GTF2F2: variants seen among roughly 807,000 people sequenced by gnomAD.
GTF2F2 encodes the protein ATP-dependent helicase GTF2F2.
GTF2F2 carries 23 observed loss-of-function variants against 42.2 expected under a neutral mutation model. The ratio of observed to expected loss-of-function variants is 0.55; its 90% CI spans 0.39 to 0.77. The LOEUF (loss-of-function observed/expected upper bound fraction) is 0.77. Among genes scored for constraint, GTF2F2 ranks in the 30% least tolerant of loss-of-function variants. The pLI is 0.00. For synonymous variants in GTF2F2, 105 were observed against 100.8 expected, an observed-to-expected ratio of 1.04 and a Z score of -0.25; for missense variants, 261 against 287.2, an observed-to-expected ratio of 0.91 and a Z score of 0.66.
intron 5 of GTF2F2, among the ~76,000 whole-genome samples, chr13:45,216,009 T>C (rs1873873044): frequency 6.6e-6 from 1 of 151,990 alleles, no homozygotes; most frequent in Admixed American, 6.6e-5. Flanking sequence ...CCCGGCACTT[T>C]GGGAGGCCGA....
intron 7 of GTF2F2, among the ~76,000 whole-genome samples, chr13:45,275,325 T>A (rs549746004): frequency 5.3e-4 from 81 of 152,118 alleles, no homozygotes; most frequent in African/African-American, 1.9e-3. Context: ...TATTATTATT[T>A]AAGTTCTAGG....
chr13:45,193,635 G>T (rs1593482753), intron 4 of GTF2F2: 1 of 658,578 alleles, frequency 1.5e-6, no homozygotes. Flanking sequence ...TTTAGCGATA[G>T]AATTTACATA....
intron 4 of GTF2F2, among the ~76,000 whole-genome samples, chr13:45,158,593 T>C (rs1405828158): frequency 6.6e-6 from 1 of 152,208 alleles, no homozygotes; most frequent in Admixed American, 6.5e-5. Flanking sequence ...CTTTTTCCTC[T>C]GTCAGGGATT....
At chr13:45,169,707 A>G (rs1871496037) in intron 4 of GTF2F2, among the ~76,000 whole-genome samples, 1 of 152,240 alleles carries the variant, frequency 6.6e-6, no homozygotes, top group Non-Finnish European at 1.5e-5. Context: ...TCACAAAGTG[A>G]ACACATCCCT....
At chr13:45,133,605 C>T (rs1297024572) in intron 1 of GTF2F2, among the ~76,000 whole-genome samples, 5 of 152,180 alleles carry the variant, frequency 3.3e-5, no homozygotes, top group African/African-American at 1.2e-4. Context: ...ACCATCTGAG[C>T]AGGCCACCTG....
intron 7 of GTF2F2, among the ~76,000 whole-genome samples, chr13:45,269,416 C>T (rs1247543256): frequency 6.6e-6 from 1 of 152,158 alleles, no homozygotes. Context: ...AGGTAGTTAC[C>T]TCCTCCTAGA....
intron 5 of GTF2F2, among the ~76,000 whole-genome samples, chr13:45,229,158 C>G (rs946919730): frequency 2.0e-5 from 3 of 152,212 alleles, no homozygotes; most frequent in African/African-American, 7.2e-5. Flanking sequence ...GCCGGGATTA[C>G]AGGAATGAGC....
At chr13:45,283,136 A>T (rs1428973534) in intron 7 of GTF2F2, among the ~76,000 whole-genome samples, 1 of 151,874 alleles carries the variant, frequency 6.6e-6, no homozygotes, top group African/African-American at 2.4e-5. Flanking sequence ...AGGACCAGTA[A>T]TTTTTTCGTG....
At chr13:45,202,514 C>T (rs576724685) in intron 4 of GTF2F2, among the ~76,000 whole-genome samples, 37 of 152,204 alleles carry the variant, frequency 2.4e-4, no homozygotes, top group Non-Finnish European at 4.3e-4. Context: ...TGACCTTTAA[C>T]ATATTCAACT....
At chr13:45,166,178 T>C (rs1871290455) in intron 4 of GTF2F2, among the ~76,000 whole-genome samples, 1 of 152,186 alleles carries the variant, frequency 6.6e-6, no homozygotes, top group Non-Finnish European at 1.5e-5. Flanking sequence ...GTCATTATGA[T>C]ACCTAAAAAA....
intron 4 of GTF2F2, among the ~76,000 whole-genome samples, chr13:45,200,087 G>A (rs1437519426): frequency 6.6e-6 from 1 of 152,026 alleles, no homozygotes; most frequent in Non-Finnish European, 1.5e-5. Flanking sequence ...TTTAGCAGCA[G>A]TATTTTGTCT....
rs191090267 is a variant in GTF2F2, at chr13:45,275,389, T to G, written c.630+8013T>G. Among the ~76,000 whole-genome samples, 488 of 152,072 alleles carry G rather than the reference T, an allele frequency of 3.2e-3. 1 individual carries two copies. The highest frequency in any genetic ancestry group is 6.3e-3 in the Non-Finnish European group (431 of 67,964). ...ACATATGTTTACATGTGCCATGTTG[T>G]TGTGCTGCACCCATTAACTCATCAT... On this transcript the variant is annotated intron_variant, in intron 7 of 7. Transcript: ENST00000340473.
chr13:45,125,999 T>C (rs1006855646), intron 1 of GTF2F2, among the ~76,000 whole-genome samples: 4 of 152,060 alleles, frequency 2.6e-5, no homozygotes, highest in Non-Finnish European at 5.9e-5. Flanking sequence ...AAGGGGTCTT[T>C]CTTTAGTGGA....
At position 45,161,047 on chromosome 13, in the gene GTF2F2, T is replaced by C. The variant is rs1463895151; in HGVS notation, c.304+9216T>C. Among the ~76,000 whole-genome samples the C allele has an allele frequency of 3.3e-5, 5 of 152,322 alleles. No homozygotes were observed. In the East Asian group the frequency reaches 9.6e-4, roughly 29 times the overall value. On this transcript the variant is annotated intron_variant, in intron 4 of 7. Transcript: ENST00000340473. ...AAGGATGCATACTCAAGGGTTGAAA[T>C]TTAATAAAAACAGTTTTTACTGTTC... is the stretch of plus-strand genomic sequence containing the variant.
chr13:45,185,782 T>G (rs1566127367), intron 4 of GTF2F2, among the ~76,000 whole-genome samples: 1 of 152,228 alleles, frequency 6.6e-6, no homozygotes, highest in Non-Finnish European at 1.5e-5. Context: ...TAGATTCTTC[T>G]GTTTGGTGTC....
chr13:45,199,138 C>G (rs1028245519), intron 4 of GTF2F2, among the ~76,000 whole-genome samples: 1 of 152,248 alleles, frequency 6.6e-6, no homozygotes, highest in Non-Finnish European at 1.5e-5. Context: ...GACGTAACCT[C>G]TGGCCACAAG....
At chr13:45,207,606 T>C in intron 5 of GTF2F2, 101 bp downstream of exon 5, 1 of 711,356 alleles carries the variant, frequency 1.4e-6, no homozygotes, top group Non-Finnish European at 2.4e-6. Context: ...CTGTGGTTAT[T>C]GTTGAGTGTT....
At chr13:45,210,160 A>C (rs912934823) in intron 5 of GTF2F2, among the ~76,000 whole-genome samples, 2 of 152,008 alleles carry the variant, frequency 1.3e-5, no homozygotes, top group Non-Finnish European at 1.5e-5. Flanking sequence ...TTCCTATATT[A>C]CTCAGAATAA....
In GTF2F2 at chr13:45,170,392, T is replaced by A. The variant is rs575610834; in HGVS notation, c.304+18561T>A. ...TCCAATTAATTTTTCTTTCTCCCAC[T>A]TAACATCTTTTAAAATTTTTTTCTG... On this transcript the variant is annotated intron_variant, in intron 4 of 7. Transcript: ENST00000340473. Among the ~76,000 whole-genome samples the A allele has an allele frequency of 2.8e-4, 43 of 152,342 alleles. No homozygotes were observed. In the South Asian group the frequency reaches 8.5e-3, roughly 30 times the overall value.
Sources: allele counts gnomAD v4.1 joint callset (sites outside exome capture counted in the v4.1 genomes callset), GRCh38; gene constraint gnomAD v4.1.1; transcripts MANE v1.5; gene names NCBI Gene and HGNC (gene_info 2026-07-23, HGNC 2026-07-21).